The following MTUS2 variants were observed in gnomAD, a reference collection of about 807,000 sequenced individuals.
The protein encoded by MTUS2 is microtubule-associated tumor suppressor candidate 2.
MTUS2 carries 40 observed loss-of-function variants against 114.1 expected under a neutral mutation model. The ratio of observed to expected loss-of-function variants is 0.35; its 90% CI spans 0.27 to 0.46. MTUS2 has a LOEUF of 0.46. Ranked by LOEUF, MTUS2 falls within the 20% of genes least tolerant of loss-of-function variation. MTUS2 has a pLI of 1.00. For missense variants in MTUS2, 1,679 were observed against 1,705.4 expected (o/e 0.98, Z 0.27); for synonymous variants, 688 against 672.0 (o/e 1.02, Z -0.37).
intron 2 of MTUS2, among the ~76,000 whole-genome samples, chr13:28,952,645 A>G (rs1269981386): frequency 2.0e-5 from 3 of 152,216 alleles, no homozygotes; most frequent in Non-Finnish European, 2.9e-5. Context: ...ATGTGAACAT[A>G]TAAACATAAG....
chr13:29,227,574 G>A (rs1378264723), intron 5 of MTUS2, among the ~76,000 whole-genome samples: 1 of 152,204 alleles, frequency 6.6e-6, no homozygotes, highest in Non-Finnish European at 1.5e-5. Flanking sequence ...ATACCAAGGA[G>A]AATCTGAGGG....
intron 7 of MTUS2, among the ~76,000 whole-genome samples, chr13:29,328,010 T>C (rs994438326): frequency 6.6e-6 from 1 of 152,246 alleles, no homozygotes; most frequent in African/African-American, 2.4e-5. Context: ...ACTATCTTTC[T>C]ATGTGTTTGA....
chr13:29,200,671 C>T (rs1894915834), intron 5 of MTUS2, among the ~76,000 whole-genome samples: 1 of 151,978 alleles, frequency 6.6e-6, no homozygotes, highest in South Asian at 2.1e-4. Context: ...CAGGCACACA[C>T]CACCATGCCC....
At chr13:28,990,239 A>C (rs1474352596) in intron 2 of MTUS2, among the ~76,000 whole-genome samples, 1 of 152,152 alleles carries the variant, frequency 6.6e-6, no homozygotes, top group South Asian at 2.1e-4. Context: ...ACTCTTTTCT[A>C]TGCAATTAGG....
chr13:29,020,052 G>C (rs1299411149), intron 2 of MTUS2, among the ~76,000 whole-genome samples: 1 of 152,200 alleles, frequency 6.6e-6, no homozygotes, highest in Non-Finnish European at 1.5e-5. Context: ...ACCCTGCCCA[G>C]ATGTGTGGTG....
In MTUS2 at chr13:29,317,141, T is replaced by A. The variant is rs149075852; in HGVS notation, c.2807-7472T>A. Among the ~76,000 whole-genome samples, 285 of 152,350 alleles carry A rather than the reference T, an allele frequency of 1.9e-3. 2 individuals are homozygous for A. Among genetic ancestry groups the A allele is most frequent in the African/African-American group, 6.7e-3 (279 of 41,572 alleles). On this transcript the variant is annotated intron_variant, in intron 6 of 15. Transcript: ENST00000612955. ...GCTTCTAATGGAGGCCTAATTTTTC[T>A]AGGCCTCTATTTGAATACAGAAACC...
At chr13:29,316,104 C>T (rs991593239) in intron 6 of MTUS2, among the ~76,000 whole-genome samples, 3 of 152,120 alleles carry the variant, frequency 2.0e-5, no homozygotes, top group Non-Finnish European at 4.4e-5. Flanking sequence ...GGACAGTAAC[C>T]ATGCTGTAAG....
chr13:28,838,821 C>T (rs935161982), intron 1 of MTUS2, among the ~76,000 whole-genome samples: 1 of 152,146 alleles, frequency 6.6e-6, no homozygotes, highest in African/African-American at 2.4e-5. Context: ...ACACATAAGC[C>T]CTTCCAAATG....
chr13:29,285,056 A>G (rs1898420930), intron 6 of MTUS2, among the ~76,000 whole-genome samples: 1 of 151,996 alleles, frequency 6.6e-6, no homozygotes, highest in African/African-American at 2.4e-5. Flanking sequence ...GAAAGGACCT[A>G]TGGGGTCAAC....
At position 29,026,123 on chromosome 13, in the gene MTUS2, T is replaced by C. The variant is rs770988940; in HGVS notation, c.1425T>C (p.Ser475=). Residue 475 remains serine, a synonymous_variant, in exon 3 of 16, where the codon TCT becomes TCC. Transcript: ENST00000612955. ...DSVMVLVFNP[S]VGENKTEVPE... is the part of the protein sequence containing the mutation. Reference sequence around the variant, plus strand: ...TTATGGTTTTGGTGTTCAATCCTTCTGTTGGAGAGAACAAGACGGAGGTGC... The same window carrying C: ...TTATGGTTTTGGTGTTCAATCCTTCCGTTGGAGAGAACAAGACGGAGGTGC... 1.1e-5 allele frequency: 17 copies of C among 1,613,892 alleles called. No homozygotes were observed. The highest frequency in any genetic ancestry group is 3.3e-4 in the Middle Eastern group (2 of 6,084).
At chr13:29,328,536 A>G (rs1359217806) in intron 7 of MTUS2, among the ~76,000 whole-genome samples, 26 of 152,238 alleles carry the variant, frequency 1.7e-4, no homozygotes, top group Non-Finnish European at 5.9e-5. Flanking sequence ...TGAAATCAGT[A>G]GAAAGGAATG....
In MTUS2 at chr13:29,024,592, G is replaced by T; in HGVS notation, c.-107G>T. ...GTGTCGCAAGGTGACATTGTCAGGG[G>T]AGAACAAGCAGCTTGAGAATTTCCT... On this transcript the variant is annotated 5_prime_UTR_variant, in exon 3 of 16. Coordinates refer to ENST00000612955, the MANE Select transcript of MTUS2 (RefSeq NM_001033602.4). 1 of 1,365,006 alleles carries T rather than the reference G, an allele frequency of 7.3e-7. No homozygotes were observed. The highest frequency in any genetic ancestry group is 2.1e-5 in the Admixed American group (1 of 46,682). The allele number at this position is 1,365,006 out of a possible 1,614,324, so 84.6% of individuals were successfully genotyped here.
chr13:29,182,309 T>C (rs925699747), intron 5 of MTUS2, among the ~76,000 whole-genome samples: 2 of 152,244 alleles, frequency 1.3e-5, no homozygotes, highest in African/African-American at 4.8e-5. Context: ...CTTAGCCTTC[T>C]TTATTTTCAT....
intron 8 of MTUS2, among the ~76,000 whole-genome samples, chr13:29,385,087 C>T (rs1431269421): frequency 2.6e-5 from 4 of 152,178 alleles, no homozygotes; most frequent in Admixed American, 2.6e-4. Context: ...GGGAGCAAGA[C>T]CAACACAGGC....
rs146399908 is a variant in MTUS2 at position 29,037,040 on chromosome 13, G to C, written c.2446+2915G>C. On this transcript the variant is annotated intron_variant, in intron 4 of 15. Transcript: ENST00000612955. The stretch of plus-strand genomic sequence containing the variant: ...GGTTAATATTGTTATGTGTGAATTT[G>C]ATCCTGTCATTATGATGCTGGCTGG... Among the ~76,000 whole-genome samples, 173 of 152,260 alleles carry C rather than the reference G, an allele frequency of 1.1e-3. 1 individual carries two copies. Among genetic ancestry groups the C allele is most frequent in the African/African-American group, 4.0e-3 (168 of 41,538 alleles).
At chr13:28,978,293 A>G (rs748007022) in intron 2 of MTUS2, among the ~76,000 whole-genome samples, 11 of 152,198 alleles carry the variant, frequency 7.2e-5, no homozygotes, top group Non-Finnish European at 1.6e-4. Context: ...GTTCTACAAA[A>G]CAGTTCATTG....
chr13:28,894,260 T>G (rs1163835202), intron 2 of MTUS2, among the ~76,000 whole-genome samples: 1 of 116,902 alleles, frequency 8.6e-6, no homozygotes, highest in African/African-American at 3.4e-5. Context: ...AATGTCCTTA[T>G]AAGAAGAAGG....
At chr13:29,428,756 C>T in intron 8 of MTUS2, 1 of 1,601,258 alleles carries the variant, frequency 6.2e-7, no homozygotes. Context: ...GCGGCGCGCC[C>T]CTTTCGTGTG....
At chr13:29,076,948 T>C (rs1379567133) in intron 4 of MTUS2, among the ~76,000 whole-genome samples, 2 of 152,218 alleles carry the variant, frequency 1.3e-5, no homozygotes, top group East Asian at 1.9e-4. Flanking sequence ...GTTTATTATA[T>C]GTTAGGCAAT....
Sources: gnomAD v4.1 joint callset for allele counts (sites outside exome capture counted in the v4.1 genomes callset) on GRCh38, gnomAD v4.1.1 for gene constraint, MANE v1.5 for transcripts, NCBI Gene and HGNC (gene_info 2026-07-23, HGNC 2026-07-21) for gene names.